Variants in ZDHHC21 observed in about 807,000 individuals in gnomAD.
The protein encoded by ZDHHC21 is zDHHC palmitoyltransferase 21.
A neutral mutation model predicts 34.6 loss-of-function variants in ZDHHC21; 15 were observed. That is an observed-to-expected ratio of 0.43 (90% CI 0.29 to 0.67). The LOEUF is 0.67. ZDHHC21 is among the 30% of genes least tolerant of loss of function. ZDHHC21 has a pLI of 0.14. For synonymous variants in ZDHHC21, 142 were observed against 101.8 expected, an observed-to-expected ratio of 1.40 and a Z score of -2.38; for missense variants, 344 against 327.7, an observed-to-expected ratio of 1.05 and a Z score of -0.38.
chr9:14,619,730 C>A (rs1248109269), intron 8 of ZDHHC21, 48 bp from the exon 9 acceptor site: 1 of 989,278 alleles, frequency 1.0e-6, no homozygotes, highest in South Asian at 1.8e-5. Flanking sequence ...GTTATTAAGT[C>A]TTTATTCTGT....
intron 8 of ZDHHC21, among the ~76,000 whole-genome samples, chr9:14,627,539 T>C (rs1309791897): frequency 2.0e-5 from 3 of 152,090 alleles, no homozygotes; most frequent in Non-Finnish European, 4.4e-5. Flanking sequence ...TACATCTGTC[T>C]CACCCTACCC....
intron 2 of ZDHHC21, among the ~76,000 whole-genome samples, chr9:14,686,241 AT>A (rs1486880952): frequency 6.6e-6 from 1 of 152,118 alleles, no homozygotes; most frequent in Non-Finnish European, 1.5e-5. Flanking sequence ...GAAAGAAGAA[AT>A]TAAAAAAAAG....
the ZDHHC21 span, among the ~76,000 whole-genome samples, chr9:14,605,016 A>C: frequency 6.6e-6 from 1 of 152,150 alleles, no homozygotes; most frequent in Non-Finnish European, 1.5e-5. Context: ...TCAAGGTTCA[A>C]GCTGCAGCAT....
At chr9:14,682,909 A>G (rs2131623305) in intron 2 of ZDHHC21, among the ~76,000 whole-genome samples, 1 of 152,354 alleles carries the variant, frequency 6.6e-6, no homozygotes, top group Non-Finnish European at 1.5e-5. Flanking sequence ...AACTACATGG[A>G]AACTGAACAA....
chr9:14,684,358 A>G (rs1837930832), intron 2 of ZDHHC21, among the ~76,000 whole-genome samples: 1 of 151,524 alleles, frequency 6.6e-6, no homozygotes, highest in African/African-American at 2.4e-5. Flanking sequence ...GCAAAGTCTC[A>G]GGATACAAAA....
At chr9:14,606,761 G>C (rs1056296192), downstream of ZDHHC21, among the ~76,000 whole-genome samples, 9 of 151,788 alleles carry the variant, frequency 5.9e-5, no homozygotes, top group African/African-American at 2.2e-4. Flanking sequence ...ATAATACCCA[G>C]GAAATATATT....
In ZDHHC21 at chr9:14,663,969, C is replaced by T. The variant is rs375819484; in HGVS notation, c.254-1643G>A. ...CCCTACTTAGCTCAATGCTCCCAAA[C>T]ATCCCAGTGTTAAAACTTTGAATTC... On this transcript the variant is annotated intron_variant, in intron 5 of 9. Coordinates refer to ENST00000380916, the MANE Select transcript of ZDHHC21 (RefSeq NM_178566.6). Among the ~76,000 whole-genome samples, 5 of 152,186 alleles carry T rather than the reference C, an allele frequency of 3.3e-5. No homozygotes were observed. The South Asian group carries it at 6.2e-4, about 19-fold the overall frequency.
At chr9:14,665,940 C>T (rs1405393682) in intron 5 of ZDHHC21, among the ~76,000 whole-genome samples, 1 of 149,326 alleles carries the variant, frequency 6.7e-6, no homozygotes, top group Non-Finnish European at 1.5e-5. Context: ...ACTGCATCAA[C>T]TAACGAGCAA....
intron 1 of ZDHHC21, among the ~76,000 whole-genome samples, chr9:14,691,653 A>ACG (rs1445823689): frequency 6.6e-6 from 1 of 152,190 alleles, no homozygotes; most frequent in Non-Finnish European, 1.5e-5. Flanking sequence ...TCTTTAAATG[A>ACG]CGCTCTATTT....
chr9:14,601,539 C>T, the ZDHHC21 span, among the ~76,000 whole-genome samples: 1 of 152,210 alleles, frequency 6.6e-6, no homozygotes, highest in African/African-American at 2.4e-5. Context: ...CACTTTTACA[C>T]TGCTGGTGGG....
chr9:14,675,533 C>A (rs1301342953), intron 3 of ZDHHC21, among the ~76,000 whole-genome samples: 1 of 151,884 alleles, frequency 6.6e-6, no homozygotes, highest in African/African-American at 2.4e-5. Context: ...CTAGGAAGCA[C>A]TGACCCATGA....
At chr9:14,611,058 AT>A (rs1823215128), downstream of ZDHHC21, 1 of 152,084 alleles carries the variant, frequency 6.6e-6, no homozygotes, top group Non-Finnish European at 1.5e-5. Flanking sequence ...AGGTAAGAGG[AT>A]AAAAACAGTC....
intron 7 of ZDHHC21, among the ~76,000 whole-genome samples, chr9:14,649,187 T>C (rs1830790120): frequency 6.6e-6 from 1 of 152,116 alleles, no homozygotes; most frequent in Non-Finnish European, 1.5e-5. Context: ...TGAGAACCAC[T>C]GTACCCACTG....
At chr9:14,664,669 G>A (rs1178493306) in intron 5 of ZDHHC21, among the ~76,000 whole-genome samples, 16 of 151,856 alleles carry the variant, frequency 1.1e-4, no homozygotes, top group Admixed American at 3.3e-4. Context: ...AGAACTGGCA[G>A]ACTGCCTCCT....
rs375733140 is a variant in ZDHHC21 at position 14,685,134 on chromosome 9, T to C, written c.-175-4972A>G. Among the ~76,000 whole-genome samples, 50 of 151,812 alleles carry C rather than the reference T, an allele frequency of 3.3e-4. No homozygotes were observed. The East Asian group carries it at 3.7e-3, about 11-fold the overall frequency. On this transcript the variant is annotated intron_variant, in intron 2 of 9. Coordinates refer to ENST00000380916, the MANE Select transcript of ZDHHC21 (RefSeq NM_178566.6). Reference sequence around the variant, plus strand: ...AACCTAGGCAATACCATTCAGGACATAGGCATGGGCAAGGACTTCATGTCT... The same window carrying C: ...AACCTAGGCAATACCATTCAGGACACAGGCATGGGCAAGGACTTCATGTCT...
rs1316833142 is a variant in ZDHHC21, at chr9:14,619,693, T to TA, written c.622-12dup. The stretch of plus-strand genomic sequence containing the variant: ...AATAGATGTTGTATCCTATTAAAAA[T>TA]AAAAAATTATATTCAGATGTAAGAA... On this transcript the variant is annotated splice_polypyrimidine_tract_variant and intron_variant, in intron 8 of 9. Transcript: ENST00000380916. 3 of 1,311,954 alleles carry TA rather than the reference T, an allele frequency of 2.3e-6. No individual in the cohort carries two copies. Among genetic ancestry groups the TA allele is most frequent in the Non-Finnish European group, 3.2e-6 (3 of 951,062 alleles). 81.3% of individuals were successfully genotyped at this position (1,311,954 alleles called of 1,614,324 possible). A position where few individuals can be genotyped will look rare whatever the true frequency, so the allele number is the denominator to read the frequency against.
At chr9:14,672,972 A>T (rs1346147383) in intron 4 of ZDHHC21, 44 bp from the exon 5 acceptor site, 18 of 1,226,678 alleles carry the variant, frequency 1.5e-5, no homozygotes, top group Admixed American at 4.3e-5. Context: ...TTACCCTTCA[A>T]AACATTTTAT....
At chr9:14,610,006 C>A (rs2133353164), downstream of ZDHHC21, among the ~76,000 whole-genome samples, 1 of 151,944 alleles carries the variant, frequency 6.6e-6, no homozygotes, top group South Asian at 2.1e-4. Context: ...GAGAGCTTTG[C>A]AGAAACATAA....
At chr9:14,619,151 G>A in intron 9 of ZDHHC21, 53 bp from the exon 10 acceptor site, 3 of 1,546,624 alleles carry the variant, frequency 1.9e-6, no homozygotes, top group Non-Finnish European at 2.6e-6. Context: ...GTGCACTTCA[G>A]TCAGCTAAAA....
Sources: allele counts gnomAD v4.1 joint callset (sites outside exome capture counted in the v4.1 genomes callset), GRCh38; gene constraint gnomAD v4.1.1; transcripts MANE v1.5; gene names NCBI Gene and HGNC (gene_info 2026-07-23, HGNC 2026-07-21).